VPS13A: variants seen among roughly 807,000 people sequenced by gnomAD.
VPS13A encodes the protein intermembrane lipid transfer protein VPS13A.
Under a neutral mutation model 390.9 loss-of-function variants are expected in VPS13A, and 264 were observed. The observed-to-expected ratio is 0.68, with a 90% CI of 0.61 to 0.75. VPS13A has a LOEUF of 0.75. Among genes scored for constraint, VPS13A ranks in the 30% least tolerant of loss-of-function variants. The pLI, the probability that VPS13A is intolerant of heterozygous loss-of-function variation, is 0.00. For missense variants in VPS13A, 3,409 were observed against 3,733.9 expected, an observed-to-expected ratio of 0.91 and a Z score of 2.27; for synonymous variants, 1,231 against 1,227.1, an observed-to-expected ratio of 1.00 and a Z score of -0.07.
At chr9:77,364,007 G>C (rs977381303) in intron 59 of VPS13A, among the ~76,000 whole-genome samples, 2 of 152,072 alleles carry the variant, frequency 1.3e-5, no homozygotes, top group African/African-American at 4.8e-5. Context: ...GATGATCTCA[G>C]CTTGCCTTTG....
intron 3 of VPS13A, among the ~76,000 whole-genome samples, chr9:77,202,216 T>G (rs1825371311): frequency 6.6e-6 from 1 of 152,158 alleles, no homozygotes; most frequent in Admixed American, 6.5e-5. Flanking sequence ...TAGAAAACTT[T>G]CATCATCATA....
intron 35 of VPS13A, among the ~76,000 whole-genome samples, chr9:77,313,190 A>G (rs763043380): frequency 1.6e-4 from 25 of 152,230 alleles, no homozygotes; most frequent in Non-Finnish European, 3.5e-4. Flanking sequence ...GTATTACTCC[A>G]TTTATATGGA....
At chr9:77,207,465 A>G (rs1015686523) in intron 5 of VPS13A, among the ~76,000 whole-genome samples, 1 of 150,678 alleles carries the variant, frequency 6.6e-6, no homozygotes, top group South Asian at 2.1e-4. Flanking sequence ...TCTTCTCTAT[A>G]TAGTTCTGTC....
At chr9:77,268,999 T>C (rs1429976442) in intron 23 of VPS13A, among the ~76,000 whole-genome samples, 1 of 152,168 alleles carries the variant, frequency 6.6e-6, no homozygotes, top group Non-Finnish European at 1.5e-5. Flanking sequence ...TTTAGTGTTT[T>C]GTTGTATTCT....
At position 77,197,873 on chromosome 9, in the gene VPS13A, A is replaced by G. The variant is rs78940926; in HGVS notation, c.101-2072A>G. Among the ~76,000 whole-genome samples, 1,412 of 152,342 alleles carry G rather than the reference A, an allele frequency of 9.3e-3. 11 individuals carry two copies. Among genetic ancestry groups the G allele is most frequent in the Non-Finnish European group, 0.015 (1,003 of 68,030 alleles). On this transcript the variant is annotated intron_variant, in intron 1 of 71. Transcript: ENST00000360280. Reference sequence around the variant, plus strand: ...TGTGGACAATCTGTGGTTGTTTGGCATCATCGTTATTCTTGACTGAATTTA... The same window carrying G: ...TGTGGACAATCTGTGGTTGTTTGGCGTCATCGTTATTCTTGACTGAATTTA...
intron 48 of VPS13A, 125 bp downstream of exon 48, chr9:77,340,036 A>C: frequency 7.3e-7 from 1 of 1,369,526 alleles, no homozygotes; most frequent in East Asian, 2.4e-5. Context: ...TTTGAGGCCA[A>C]AAAGATTAGA....
intron 33 of VPS13A, among the ~76,000 whole-genome samples, chr9:77,297,157 A>G (rs571935542): frequency 6.6e-6 from 1 of 151,166 alleles, no homozygotes; most frequent in African/African-American, 2.4e-5. Flanking sequence ...CTTTAGGTTC[A>G]ATTTTGCTCT....
chr9:77,317,547 A>G, intron 39 of VPS13A, 59 bp from the exon 40 acceptor site: 1 of 1,317,328 alleles, frequency 7.6e-7, no homozygotes, highest in Non-Finnish European at 1.1e-6. Flanking sequence ...GAAAGTCTTT[A>G]AATAGAAATA....
rs1832539043 is a variant in VPS13A at position 77,368,155 on chromosome 9, TACAGAGGGACAGAGTGATACAG to T, written c.8553+22_8553+43del. 1 of 1,594,136 alleles carries T rather than the reference TACAGAGGGACAGAGTGATACAG, an allele frequency of 6.3e-7. No homozygotes were observed. The highest frequency in any genetic ancestry group is 1.7e-5 in the Admixed American group (1 of 59,490). On this transcript the variant is annotated intron_variant, in intron 62 of 71. Coordinates refer to ENST00000360280, the MANE Select transcript of VPS13A (RefSeq NM_033305.3). The stretch of plus-strand genomic sequence containing the variant: ...AAAACAGGTTTGTCTAAGATTATAT[TACAGAGGGACAGAGTGATACAG>T]ACTGGTAAAACCTTTTGTGTCTATA...
intron 32 of VPS13A, among the ~76,000 whole-genome samples, chr9:77,294,365 C>T (rs1479160240): frequency 6.6e-6 from 1 of 151,992 alleles, no homozygotes; most frequent in Non-Finnish European, 1.5e-5. Flanking sequence ...TTGTTTTTCC[C>T]TTGCTGTCAG....
chr9:77,311,671 TATG>T (rs1408448618), intron 35 of VPS13A, among the ~76,000 whole-genome samples: 1 of 152,138 alleles, frequency 6.6e-6, no homozygotes, highest in Non-Finnish European at 1.5e-5. Flanking sequence ...AATGATAAGA[TATG>T]AACAAAAAAA....
At chr9:77,221,465 A>G in intron 13 of VPS13A, 109 bp downstream of exon 13, 1 of 1,247,564 alleles carries the variant, frequency 8.0e-7, no homozygotes, top group Non-Finnish European at 1.1e-6. Flanking sequence ...TGACCTTTTC[A>G]TCTCTTTTAC....
At chr9:77,313,968 T>G (rs1457051140) in intron 35 of VPS13A, 24 bp from the exon 36 acceptor site, 1 of 1,600,150 alleles carries the variant, frequency 6.2e-7, no homozygotes, top group East Asian at 2.3e-5. Flanking sequence ...TTTTCTTTTA[T>G]TAAATAACTT....
intron 1 of VPS13A, among the ~76,000 whole-genome samples, chr9:77,197,695 G>A (rs529304488): frequency 3.3e-5 from 5 of 152,062 alleles, no homozygotes; most frequent in African/African-American, 4.8e-5. Flanking sequence ...TGAGACCCAA[G>A]TCTAACACAA....
intron 45 of VPS13A, among the ~76,000 whole-genome samples, chr9:77,325,681 T>C (rs1355640918): frequency 6.6e-6 from 1 of 152,112 alleles, no homozygotes; most frequent in Non-Finnish European, 1.5e-5. Flanking sequence ...GTTGATACTT[T>C]AGGGCTTTAT....
intron 55 of VPS13A, among the ~76,000 whole-genome samples, chr9:77,357,461 TATTC>T (rs1259367078): frequency 3.3e-5 from 5 of 152,064 alleles, no homozygotes; most frequent in African/African-American, 1.2e-4. Flanking sequence ...ATTTTTCCTT[TATTC>T]ATTTTTATTG....
At chr9:77,216,770 C>T in intron 10 of VPS13A, among the ~76,000 whole-genome samples, 1 of 152,132 alleles carries the variant, frequency 6.6e-6, no homozygotes, top group East Asian at 1.9e-4. Context: ...AGGCCATCTG[C>T]AAGCTGAGGA....
At chr9:77,363,953 A>T (rs1437486627) in intron 59 of VPS13A, among the ~76,000 whole-genome samples, 1 of 152,154 alleles carries the variant, frequency 6.6e-6, no homozygotes, top group African/African-American at 2.4e-5. Context: ...CCAGTTTAGG[A>T]GCTGAGCACT....
chr9:77,257,567 A>G (rs11145360), intron 22 of VPS13A, among the ~76,000 whole-genome samples: 30,892 of 152,058 alleles, frequency 0.2, 3,807 homozygotes, highest in East Asian at 0.38. Context: ...AGCCTGGCCA[A>G]TGTAGTAAGA....
Sources: gnomAD v4.1 joint callset for allele counts (sites outside exome capture counted in the v4.1 genomes callset) on GRCh38, gnomAD v4.1.1 for gene constraint, MANE v1.5 for transcripts, NCBI Gene and HGNC (gene_info 2026-07-23, HGNC 2026-07-21) for gene names.